Variants in TTC28 observed in about 807,000 individuals in gnomAD.
TTC28 encodes tetratricopeptide repeat domain 28.
In TTC28, 61 loss-of-function variants were observed where a neutral mutation model predicts 198.0. The observed-to-expected ratio is 0.31, with a 90% confidence interval of 0.25 to 0.38. The LOEUF is 0.38. Ranked by LOEUF, TTC28 falls within the 10% of genes least tolerant of loss-of-function variation. The pLI is 1.00. For synonymous variants in TTC28, 1,171 were observed against 1,297.8 expected (o/e 0.90, Z 2.10); for missense variants, 2,678 against 3,164.0 (o/e 0.85, Z 3.69).
intron 2 of TTC28, among the ~76,000 whole-genome samples, chr22:28,554,865 C>T (rs924134892): frequency 2.0e-5 from 3 of 151,780 alleles, no homozygotes; most frequent in African/African-American, 7.3e-5. Context: ...AGTGAGACTC[C>T]GTCTTTTAAA....
At chr22:28,433,156 A>G (rs747713209) in intron 2 of TTC28, among the ~76,000 whole-genome samples, 3 of 152,240 alleles carry the variant, frequency 2.0e-5, no homozygotes, top group Non-Finnish European at 2.9e-5. Flanking sequence ...TTAAAGCCTC[A>G]GCACAAAGGA....
intron 6 of TTC28, among the ~76,000 whole-genome samples, chr22:28,159,472 G>T (rs1003129154): frequency 2.2e-4 from 33 of 152,130 alleles, no homozygotes; most frequent in Admixed American, 2.2e-3. Context: ...TGGGCAATAT[G>T]CTGAAACCCC....
At chr22:28,421,968 C>A (rs1263749570) in intron 2 of TTC28, among the ~76,000 whole-genome samples, 4 of 149,642 alleles carry the variant, frequency 2.7e-5, no homozygotes, top group African/African-American at 9.8e-5. Context: ...ATGATAAATA[C>A]CTAGTCAGGA....
chr22:28,083,065 T>C (rs1446840457), intron 12 of TTC28, among the ~76,000 whole-genome samples: 1 of 151,866 alleles, frequency 6.6e-6, no homozygotes, highest in African/African-American at 2.4e-5. Flanking sequence ...TAATGGATGA[T>C]GATTCATTTT....
intron 6 of TTC28, among the ~76,000 whole-genome samples, chr22:28,119,012 C>A (rs1369264043): frequency 1.3e-5 from 2 of 152,186 alleles, no homozygotes; most frequent in African/African-American, 4.8e-5. Context: ...CCTGAGCCTG[C>A]CATTTCTCAA....
In TTC28 at chr22:27,983,682, C is replaced by G; in HGVS notation, c.5985G>C (p.Leu1995=). 6.5e-7 allele frequency: 1 copy of G among 1,549,018 alleles called. No individual in the cohort carries two copies. Among genetic ancestry groups the G allele is most frequent in the Non-Finnish European group, 8.7e-7 (1 of 1,145,930 alleles). The part of the protein sequence containing the change: ...IASDAISVYS[L]SSIASSMSFV... ...AGCTCATTGAGGAGGCAATGGAGCT[C>G]AGACTGTACACAGAGATGGCATCTG... The change falls in exon 23 of 23, where the codon CTG becomes CTC. Residue 1995 remains leucine (L), a synonymous_variant. Transcript: ENST00000397906.
At chr22:28,645,028 C>T (rs527833710) in intron 1 of TTC28, among the ~76,000 whole-genome samples, 1 of 151,596 alleles carries the variant, frequency 6.6e-6, no homozygotes, top group African/African-American at 2.4e-5. Context: ...ACCTGTAGTC[C>T]CAGCTACTCA....
intron 2 of TTC28, among the ~76,000 whole-genome samples, chr22:28,417,781 G>A (rs1257969108): frequency 6.6e-6 from 1 of 152,104 alleles, no homozygotes; most frequent in Non-Finnish European, 1.5e-5. Context: ...AACCCTAATA[G>A]CTCTGAGCCT....
In TTC28 at chr22:28,107,133, T is replaced by C. The variant is rs1379216737; in HGVS notation, c.2712A>G (p.Leu904=). 6.4e-7 allele frequency: 1 copy of C among 1,551,732 alleles called. No individual in the cohort carries two copies. The highest frequency in any genetic ancestry group is 1.2e-5 in the South Asian group (1 of 84,058). Residue 904 remains leucine, a synonymous_variant, in exon 7 of 23, where the codon TTA becomes TTG. Coordinates refer to ENST00000397906, the MANE Select transcript of TTC28 (RefSeq NM_001145418.2). The stretch of plus-strand genomic sequence containing the variant: ...TGCGATTCAGACTCTGCGCGACAGA[T>C]AAATATTGTTCATAGTATTTGATAG... ...EEAIKYYEQY[L]SVAQSLNRMQ... is the part of the protein sequence containing the mutation.
chr22:28,271,294 G>A (rs547523599), intron 5 of TTC28, among the ~76,000 whole-genome samples: 2 of 152,070 alleles, frequency 1.3e-5, no homozygotes, highest in South Asian at 4.2e-4. Flanking sequence ...TTCCACAATC[G>A]TATATACTGT....
chr22:28,177,000 T>C (rs1301533445), intron 5 of TTC28, among the ~76,000 whole-genome samples: 1 of 152,138 alleles, frequency 6.6e-6, no homozygotes, highest in South Asian at 2.1e-4. Context: ...ACCAAAAATA[T>C]GTTCAATGAA....
chr22:28,593,774 TA>T (rs930351029), intron 2 of TTC28, among the ~76,000 whole-genome samples: 1 of 152,234 alleles, frequency 6.6e-6, no homozygotes, highest in African/African-American at 2.4e-5. Flanking sequence ...CATATTCATA[TA>T]ATTTTTGTTT....
intron 2 of TTC28, among the ~76,000 whole-genome samples, chr22:28,311,926 A>G (rs1010619028): frequency 2.0e-5 from 3 of 152,034 alleles, no homozygotes; most frequent in Admixed American, 2.0e-4. Context: ...TTGGATAAAG[A>G]GTTAAGACCC....
At chr22:28,090,717 A>G (rs1941787835) in intron 12 of TTC28, among the ~76,000 whole-genome samples, 1 of 152,234 alleles carries the variant, frequency 6.6e-6, no homozygotes. Flanking sequence ...GTTTTAAAAA[A>G]TATTTACTAA....
chr22:28,543,389 AGAAGATGAAGAT>A (rs145747661), intron 2 of TTC28, among the ~76,000 whole-genome samples: 4 of 151,366 alleles, frequency 2.6e-5, no homozygotes, highest in South Asian at 4.2e-4. Flanking sequence ...GAAGAAGAAA[AGAAGATGAAGAT>A]GAAGATGAAG....
chr22:28,651,502 A>T (rs1418156506), intron 1 of TTC28, among the ~76,000 whole-genome samples: 1 of 151,880 alleles, frequency 6.6e-6, no homozygotes, highest in Non-Finnish European at 1.5e-5. Flanking sequence ...TGCAGTCTCA[A>T]CCTCCCAGGT....
At chr22:28,137,377 C>CCT (rs1005639544) in intron 6 of TTC28, among the ~76,000 whole-genome samples, 42 of 152,012 alleles carry the variant, frequency 2.8e-4, no homozygotes, top group African/African-American at 9.9e-4. Context: ...TCTTTACTGA[C>CCT]CTCTCTCTCT....
chr22:28,329,069 T>C (rs1220814279), intron 2 of TTC28, among the ~76,000 whole-genome samples: 2 of 151,982 alleles, frequency 1.3e-5, no homozygotes, highest in Admixed American at 6.6e-5. Context: ...CAGGGTAGAT[T>C]GGTTCAAAAT....
At chr22:28,106,836 A>G (rs1942320708) in intron 7 of TTC28, among the ~76,000 whole-genome samples, 1 of 152,190 alleles carries the variant, frequency 6.6e-6, no homozygotes, top group Admixed American at 6.5e-5. Context: ...TAAGCTGCAT[A>G]ATCTTAGGCA....
Sources: gnomAD v4.1 joint callset for allele counts (sites outside exome capture counted in the v4.1 genomes callset) on GRCh38, gnomAD v4.1.1 for gene constraint, MANE v1.5 for transcripts, NCBI Gene and HGNC (gene_info 2026-07-23, HGNC 2026-07-21) for gene names.